ADGRL3: variants seen among roughly 807,000 people sequenced by gnomAD.
ADGRL3 encodes the protein adhesion G protein-coupled receptor L3.
Under a neutral mutation model 153.5 loss-of-function variants are expected in ADGRL3, and 62 were observed. That is an observed-to-expected ratio of 0.40 (90% CI 0.33 to 0.50). ADGRL3 has a LOEUF of 0.50. Ranked by LOEUF, ADGRL3 falls within the 20% of genes least tolerant of loss-of-function variation. ADGRL3 has a pLI of 0.47. For synonymous variants in ADGRL3, 710 were observed against 672.5 expected (o/e 1.06, Z -0.86); for missense variants, 1,641 against 1,859.4 (o/e 0.88, Z 2.16).
At chr4:61,492,549 A>G (rs1020001510) in intron 2 of ADGRL3, among the ~76,000 whole-genome samples, 2 of 152,134 alleles carry the variant, frequency 1.3e-5, no homozygotes, top group Admixed American at 1.3e-4. Context: ...AATTTTTAGC[A>G]TGATTTGAAA....
At chr4:61,577,568 TG>T (rs910540221) in intron 4 of ADGRL3, among the ~76,000 whole-genome samples, 20 of 151,924 alleles carry the variant, frequency 1.3e-4, no homozygotes, top group African/African-American at 4.8e-4. Flanking sequence ...CTTAGCACTT[TG>T]GGAGGCAGAG....
intron 1 of ADGRL3, among the ~76,000 whole-genome samples, chr4:61,371,184 A>G (rs1358801811): frequency 6.6e-6 from 1 of 151,248 alleles, no homozygotes. Flanking sequence ...CTCTTTATCC[A>G]ATTTGCCAGT....
intron 2 of ADGRL3, among the ~76,000 whole-genome samples, chr4:61,418,208 C>T (rs1002368100): frequency 6.6e-6 from 1 of 152,162 alleles, no homozygotes; most frequent in Non-Finnish European, 1.5e-5. Context: ...CTTATATTTT[C>T]GTTGGACAAA....
intron 1 of ADGRL3, among the ~76,000 whole-genome samples, chr4:61,381,534 T>A (rs1445479920): frequency 6.6e-6 from 1 of 151,704 alleles, no homozygotes; most frequent in Non-Finnish European, 1.5e-5. Context: ...ATAAGATTGG[T>A]TTTATCTGTG....
intron 2 of ADGRL3, among the ~76,000 whole-genome samples, chr4:61,481,966 T>A (rs181545901): frequency 6.6e-6 from 1 of 152,146 alleles, no homozygotes; most frequent in Non-Finnish European, 1.5e-5. Flanking sequence ...AATGCTATTG[T>A]CTTGAGATAT....
At chr4:61,992,350 G>A (rs1170557973) in intron 19 of ADGRL3, among the ~76,000 whole-genome samples, 1 of 152,140 alleles carries the variant, frequency 6.6e-6, no homozygotes, top group African/African-American at 2.4e-5. Context: ...GGATATATGT[G>A]CTCAGGCATG....
chr4:61,265,866 G>A lies in ADGRL3; in HGVS notation c.-240+64101G>A, dbSNP rs188399077. On this transcript the variant is annotated intron_variant, in intron 1 of 26. Transcript: ENST00000683033. ...ACTTAAAATATAATCTTCGAAATTT[G>A]CATTTTGGAATTTGTCTTTTCCCTG... is the stretch of plus-strand genomic sequence containing the variant. Among the ~76,000 whole-genome samples, 145 of 151,832 alleles carry A rather than the reference G, an allele frequency of 9.6e-4. 1 individual carries two copies. Among genetic ancestry groups the A allele is most frequent in the East Asian group, 5.8e-4 (3 of 5,148 alleles).
At chr4:62,052,322 A>T (rs1252197565) in intron 25 of ADGRL3, among the ~76,000 whole-genome samples, 2 of 151,566 alleles carry the variant, frequency 1.3e-5, no homozygotes, top group African/African-American at 4.8e-5. Flanking sequence ...TTATCACCTA[A>T]TATGGAAAAT....
intron 1 of ADGRL3, among the ~76,000 whole-genome samples, chr4:61,232,550 C>T (rs577435890): frequency 6.6e-6 from 1 of 152,206 alleles, no homozygotes; most frequent in African/African-American, 2.4e-5. Context: ...CTCAAGCGAT[C>T]CACCTTCCTT....
At chr4:61,747,114 T>C (rs2096673945) in intron 8 of ADGRL3, among the ~76,000 whole-genome samples, 1 of 152,110 alleles carries the variant, frequency 6.6e-6, no homozygotes, top group African/African-American at 2.4e-5. Flanking sequence ...GTAGAAGAAA[T>C]GGATAAATTC....
intron 1 of ADGRL3, among the ~76,000 whole-genome samples, chr4:61,310,742 T>C (rs1371359900): frequency 6.6e-6 from 1 of 151,836 alleles, no homozygotes; most frequent in African/African-American, 2.4e-5. Flanking sequence ...GTTTTTTTTT[T>C]TTTTTAAATT....
At chr4:61,540,768 C>A (rs1216380827) in intron 4 of ADGRL3, among the ~76,000 whole-genome samples, 1 of 151,836 alleles carries the variant, frequency 6.6e-6, no homozygotes, top group Non-Finnish European at 1.5e-5. Context: ...AATGCCCAGG[C>A]AGATATATTG....
At chr4:61,743,432 T>A (rs1008536174) in intron 8 of ADGRL3, among the ~76,000 whole-genome samples, 1 of 152,060 alleles carries the variant, frequency 6.6e-6, no homozygotes, top group African/African-American at 2.4e-5. Context: ...ATCTGAAAAT[T>A]ATCTCTAATG....
At chr4:61,291,291 T>A (rs1008908772) in intron 1 of ADGRL3, among the ~76,000 whole-genome samples, 4 of 149,182 alleles carry the variant, frequency 2.7e-5, no homozygotes, top group Admixed American at 6.7e-5. Context: ...CAAAAATATT[T>A]GGGAAAAAAA....
At chr4:61,554,230 G>C (rs1371870774) in intron 4 of ADGRL3, among the ~76,000 whole-genome samples, 1 of 143,478 alleles carries the variant, frequency 7.0e-6, no homozygotes, top group South Asian at 2.3e-4. Flanking sequence ...GTCTTACTCT[G>C]TTGCCCAGGC....
At chr4:61,651,130 C>T (rs2094231438) in intron 5 of ADGRL3, among the ~76,000 whole-genome samples, 1 of 152,030 alleles carries the variant, frequency 6.6e-6, no homozygotes. Flanking sequence ...AAGAAAAGTT[C>T]TAGCTTATGG....
At chr4:61,588,619 A>C (rs1033308029) in intron 5 of ADGRL3, among the ~76,000 whole-genome samples, 7 of 152,016 alleles carry the variant, frequency 4.6e-5, no homozygotes, top group African/African-American at 1.7e-4. Context: ...GTGAGCATTA[A>C]TAAGAAATAA....
intron 21 of ADGRL3, among the ~76,000 whole-genome samples, chr4:62,019,748 C>A (rs904739096): frequency 6.6e-6 from 1 of 151,924 alleles, no homozygotes; most frequent in African/African-American, 2.4e-5. Context: ...TTTTCAAAAT[C>A]TTTACAAGAA....
intron 1 of ADGRL3, among the ~76,000 whole-genome samples, chr4:61,356,256 G>T (rs1052503183): frequency 2.6e-4 from 39 of 152,002 alleles, no homozygotes; most frequent in African/African-American, 9.2e-4. Context: ...ACATAAAAAT[G>T]ATTTTGGATA....
Sources: gnomAD v4.1 joint callset for allele counts (sites outside exome capture counted in the v4.1 genomes callset) on GRCh38, gnomAD v4.1.1 for gene constraint, MANE v1.5 for transcripts, NCBI Gene and HGNC (gene_info 2026-07-23, HGNC 2026-07-21) for gene names.